The following B3GALT1 variants were observed in gnomAD, a reference collection of about 807,000 sequenced individuals.
B3GALT1 encodes the protein UDP-Gal:betaGlcNAc beta 1,3-galactosyltransferase, polypeptide 1.
In B3GALT1, 10 loss-of-function variants were observed where a neutral mutation model predicts 23.2. That is an observed-to-expected ratio of 0.43 (90% CI 0.27 to 0.73). The LOEUF (loss-of-function observed/expected upper bound fraction) is 0.73. B3GALT1 is among the 30% of genes least tolerant of loss of function. The pLI is 0.21. For synonymous variants in B3GALT1, 156 were observed against 141.5 expected (o/e 1.10, Z -0.73); for missense variants, 299 against 405.4 (o/e 0.74, Z 2.25).
At chr2:167,327,470 G>C (rs145562970) in intron 1 of B3GALT1, among the ~76,000 whole-genome samples, 150 of 151,944 alleles carry the variant, frequency 9.9e-4, no homozygotes, top group Non-Finnish European at 1.8e-3. Flanking sequence ...TTATTCCTCG[G>C]TGTTTTTAAA....
intron 1 of B3GALT1, among the ~76,000 whole-genome samples, chr2:167,487,977 A>G (rs953902905): frequency 3.9e-5 from 6 of 152,088 alleles, no homozygotes; most frequent in African/African-American, 1.4e-4. Context: ...ATTTAACACC[A>G]TGTTATTCCT....
In B3GALT1 at chr2:167,769,844, A is replaced by G. The variant is rs548002549; in HGVS notation, c.-351-48828A>G. ...GACATTGGGTTTTTGCCAGAATCAG[A>G]CATATAGGAACAATATATTCAAGAT... On this transcript the variant is annotated intron_variant, in intron 3 of 4. Transcript: ENST00000392690. 1.1e-4 allele frequency among the ~76,000 whole-genome samples: 17 copies of G among 152,342 alleles called. No homozygotes were observed. In the East Asian group the frequency reaches 2.9e-3, roughly 26 times the overall value.
At chr2:167,355,582 C>A (rs892541194) in intron 1 of B3GALT1, among the ~76,000 whole-genome samples, 1 of 152,130 alleles carries the variant, frequency 6.6e-6, no homozygotes, top group African/African-American at 2.4e-5. Context: ...TGTATATACT[C>A]TCCTAGATTT....
intron 1 of B3GALT1, among the ~76,000 whole-genome samples, chr2:167,382,940 T>C (rs1267916422): frequency 1.3e-5 from 2 of 152,192 alleles, no homozygotes; most frequent in East Asian, 3.9e-4. Context: ...TGAAGAGAAA[T>C]GTGTTAAAGG....
chr2:167,695,373 T>C (rs1299827810), intron 3 of B3GALT1, among the ~76,000 whole-genome samples: 1 of 152,140 alleles, frequency 6.6e-6, no homozygotes, highest in Non-Finnish European at 1.5e-5. Flanking sequence ...AGAAAAAAGT[T>C]TTTACCATAA....
intron 1 of B3GALT1, among the ~76,000 whole-genome samples, chr2:167,477,452 TAAG>T (rs890248094): frequency 2.3e-4 from 35 of 152,062 alleles, no homozygotes; most frequent in African/African-American, 8.0e-4. Context: ...TTAAGAATCA[TAAG>T]AAGAATAAAA....
intron 1 of B3GALT1, among the ~76,000 whole-genome samples, chr2:167,305,256 T>A (rs1261787944): frequency 2.6e-5 from 4 of 152,078 alleles, no homozygotes; most frequent in East Asian, 1.9e-4. Context: ...ATATATATAT[T>A]TTGCTTCCTG....
chr2:167,391,869 CAATT>C (rs760568938), intron 1 of B3GALT1, among the ~76,000 whole-genome samples: 87 of 152,282 alleles, frequency 5.7e-4, no homozygotes, highest in Admixed American at 2.5e-3. Context: ...TAAAGACCCT[CAATT>C]AATACCCATT....
rs142223616 is a variant in B3GALT1 at position 167,809,036 on chromosome 2, G to A, written c.-351-9636G>A. 4.2e-3 allele frequency among the ~76,000 whole-genome samples: 631 copies of A among 150,992 alleles called. 29 individuals carry two copies. The East Asian group carries it at 0.092, about 22-fold the overall frequency. On this transcript the variant is annotated intron_variant, in intron 3 of 4. Transcript: ENST00000392690. ...CTTCTTGCTTCATTTCATTCATTTC[G>A]TCTTCCATCACTGATACCCTTTCTT...
intron 2 of B3GALT1, among the ~76,000 whole-genome samples, chr2:167,491,074 C>T (rs1699701061): frequency 6.6e-6 from 1 of 152,092 alleles, no homozygotes; most frequent in Non-Finnish European, 1.5e-5. Context: ...ATTTTGCCCC[C>T]AGGGTAATGA....
chr2:167,667,697 C>A (rs908498511), intron 3 of B3GALT1, among the ~76,000 whole-genome samples: 1 of 152,150 alleles, frequency 6.6e-6, no homozygotes, highest in Non-Finnish European at 1.5e-5. Context: ...TCATTTCATT[C>A]ATTTCATCTT....
At position 167,552,119 on chromosome 2, in the gene B3GALT1, T is replaced by C. The variant is rs560601344; in HGVS notation, c.-410+61842T>C. Among the ~76,000 whole-genome samples, 12 of 152,300 alleles carry C rather than the reference T, an allele frequency of 7.9e-5. No homozygotes were observed. The East Asian group carries it at 2.3e-3, about 29-fold the overall frequency. On this transcript the variant is annotated intron_variant, in intron 2 of 4. Transcript: ENST00000392690. ...TGCTTGCAATGGAAAATTCTCAGTATTGGAAGCAAGGAGAATTGGGTCTAA... is the reference window on the plus strand; with the variant it reads ...TGCTTGCAATGGAAAATTCTCAGTACTGGAAGCAAGGAGAATTGGGTCTAA...
intron 3 of B3GALT1, among the ~76,000 whole-genome samples, chr2:167,793,082 CA>C (rs935167436): frequency 2.0e-5 from 3 of 152,102 alleles, no homozygotes; most frequent in African/African-American, 7.2e-5. Flanking sequence ...ATCTCAACCA[CA>C]AGTGTGGAAG....
At chr2:167,631,299 A>C (rs1685437989) in intron 2 of B3GALT1, among the ~76,000 whole-genome samples, 2 of 151,904 alleles carry the variant, frequency 1.3e-5, no homozygotes, top group South Asian at 4.1e-4. Context: ...AGGGTTGATC[A>C]GGACAAAACA....
rs771696873 is a variant in B3GALT1, at chr2:167,868,916, C to T, written c.-124C>T. ...GCCACTGAGGCCCATGGACAATCTC[C>T]ACCTCACGCTTCTCTATCAAACTTG... On this transcript the variant is annotated 5_prime_UTR_variant, in exon 5 of 5. Transcript: ENST00000392690. 3 of 1,187,772 alleles carry T rather than the reference C, an allele frequency of 2.5e-6. No individual in the cohort carries two copies. The highest frequency in any genetic ancestry group is 3.5e-6 in the Non-Finnish European group (3 of 850,198). The allele number at this position is 1,187,772 out of a possible 1,614,324, so 73.6% of individuals were successfully genotyped here.
rs199671056 is a variant in B3GALT1, at chr2:167,565,043, T to C, written c.-410+74766T>C. Among the ~76,000 whole-genome samples, 6 of 152,272 alleles carry C rather than the reference T, an allele frequency of 3.9e-5. No homozygotes were observed. In the South Asian group the frequency reaches 1.0e-3, roughly 26 times the overall value. ...TATGGAACCAAAAAAGAGCCCGCAT[T>C]GCCAAGTCAATCCTAAGCCAAAAGA... is the stretch of plus-strand genomic sequence containing the variant. On this transcript the variant is annotated intron_variant, in intron 2 of 4. Coordinates refer to ENST00000392690, the MANE Select transcript of B3GALT1 (RefSeq NM_020981.4).
intron 2 of B3GALT1, among the ~76,000 whole-genome samples, chr2:167,542,709 C>T (rs1366386845): frequency 1.3e-5 from 2 of 151,900 alleles, no homozygotes; most frequent in Non-Finnish European, 2.9e-5. Context: ...AATTCTGCTT[C>T]TCCTATCTTG....
At chr2:167,672,082 A>G (rs1268419189) in intron 3 of B3GALT1, among the ~76,000 whole-genome samples, 2 of 152,058 alleles carry the variant, frequency 1.3e-5, no homozygotes, top group African/African-American at 4.8e-5. Context: ...TGTCATGGAA[A>G]TTTTTCTGTT....
In B3GALT1 at chr2:167,772,202, C is replaced by T. The variant is rs529064205; in HGVS notation, c.-351-46470C>T. On this transcript the variant is annotated intron_variant, in intron 3 of 4. Coordinates refer to ENST00000392690, the MANE Select transcript of B3GALT1 (RefSeq NM_020981.4). ...AATTAGTTAGCACAGAAGCACAGGC[C>T]GATTTAATGTCTTGAGGTACTCTTA... Among the ~76,000 whole-genome samples, 12 of 152,124 alleles carry T rather than the reference C, an allele frequency of 7.9e-5. No homozygotes were observed. The South Asian group carries it at 8.3e-4, about 11-fold the overall frequency.
Sources: allele counts gnomAD v4.1 joint callset (sites outside exome capture counted in the v4.1 genomes callset), GRCh38; gene constraint gnomAD v4.1.1; transcripts MANE v1.5; gene names NCBI Gene and HGNC (gene_info 2026-07-23, HGNC 2026-07-21).